The following HMGA2 variants were observed in gnomAD, a reference collection of about 807,000 sequenced individuals.
HMGA2 encodes high mobility group AT-hook 2.
A neutral mutation model predicts 19.1 loss-of-function variants in HMGA2; 8 were observed. The observed-to-expected ratio is 0.42, with a 90% CI of 0.25 to 0.76. The LOEUF (loss-of-function observed/expected upper bound fraction) is 0.76, where lower values mean the gene tolerates loss of function less well. Ranked by LOEUF, HMGA2 falls within the 30% of genes least tolerant of loss-of-function variation. HMGA2 has a pLI of 0.28. For missense variants in HMGA2, 109 were observed against 136.3 expected (o/e 0.80, Z 1.00); for synonymous variants, 60 against 48.8 (o/e 1.23, Z -0.96).
Position 65,964,467 on chromosome 12 carries a change from T to G in HMGA2, c.*1175T>G, listed in dbSNP as rs557190608. ...GACATAAGATGGTTGACCAAGGTGC[T>G]TTTCTTCGGCTTGAGTTCACCATCT... On this transcript the variant is annotated 3_prime_UTR_variant, in exon 5 of 5. Coordinates refer to ENST00000403681, the MANE Select transcript of HMGA2 (RefSeq NM_003483.6). The G allele has an allele frequency of 1.2e-4, 26 of 220,192 alleles. No individual in the cohort carries two copies. The South Asian group carries it at 4.8e-3, about 41-fold the overall frequency. The allele number at this position is 220,192 out of a possible 1,614,324, so 13.6% of individuals were successfully genotyped here.
intron 2 of HMGA2, among the ~76,000 whole-genome samples, chr12:65,831,711 C>T (rs1236478818): frequency 6.6e-6 from 1 of 151,852 alleles, no homozygotes; most frequent in Non-Finnish European, 1.5e-5. Flanking sequence ...TAATCATTTG[C>T]ATTTCTCGAA....
At chr12:65,853,253 A>AATACTTAC (rs1377366165) in intron 3 of HMGA2, among the ~76,000 whole-genome samples, 1 of 152,180 alleles carries the variant, frequency 6.6e-6, no homozygotes, top group African/African-American at 2.4e-5. Flanking sequence ...TGCTTAAATG[A>AATACTTAC]ATACTTACAT....
At chr12:65,863,341 A>G (rs1872210476) in intron 3 of HMGA2, among the ~76,000 whole-genome samples, 1 of 152,234 alleles carries the variant, frequency 6.6e-6, no homozygotes, top group Admixed American at 6.5e-5. Context: ...TTTCTGCAGT[A>G]CAAGGTGAAC....
chr12:65,954,326 T>C (rs898774904), intron 4 of HMGA2: 15 of 152,354 alleles, frequency 9.8e-5, no homozygotes, highest in Admixed American at 2.0e-4. Flanking sequence ...AGTGTTTTCA[T>C]TGAATGTTTT....
At chr12:65,952,120 T>C (rs919686327) in intron 4 of HMGA2, 3 of 434,596 alleles carry the variant, frequency 6.9e-6, no homozygotes, top group Non-Finnish European at 1.2e-5. Context: ...TTAACCAGGA[T>C]TGCTAATAAT....
intron 3 of HMGA2, among the ~76,000 whole-genome samples, chr12:65,863,677 T>C (rs1165235146): frequency 1.3e-5 from 2 of 152,216 alleles, no homozygotes; most frequent in African/African-American, 2.4e-5. Context: ...GGTTTTCCCA[T>C]GGACAGGATC....
chr12:65,914,207 G>A (rs995444864), intron 3 of HMGA2, among the ~76,000 whole-genome samples: 5 of 151,950 alleles, frequency 3.3e-5, no homozygotes, highest in Middle Eastern at 3.4e-3. Flanking sequence ...TGTTTATTGC[G>A]GCATTATTCA....
chr12:65,827,330 C>T (rs933591385), intron 1 of HMGA2, among the ~76,000 whole-genome samples: 8 of 152,134 alleles, frequency 5.3e-5, no homozygotes, highest in Non-Finnish European at 1.2e-4. Flanking sequence ...GAGGCCATGC[C>T]TGCATCTCCA....
intron 3 of HMGA2, among the ~76,000 whole-genome samples, chr12:65,868,604 C>T (rs1028218264): frequency 2.0e-5 from 3 of 152,138 alleles, no homozygotes; most frequent in African/African-American, 4.8e-5. Flanking sequence ...TCTTTTTATA[C>T]ATAATCACCA....
intron 3 of HMGA2, among the ~76,000 whole-genome samples, chr12:65,914,505 AG>A (rs1206857648): frequency 1.9e-4 from 11 of 57,480 alleles, no homozygotes; most frequent in Admixed American, 2.8e-4. Context: ...GGGTGGGGGG[AG>A]GGGGGAGGGA....
intron 3 of HMGA2, among the ~76,000 whole-genome samples, chr12:65,904,422 C>A (rs140077046): frequency 6.6e-6 from 1 of 152,202 alleles, no homozygotes; most frequent in African/African-American, 2.4e-5. Flanking sequence ...TGTTTTTCCA[C>A]AGTAGAAAGC....
At chr12:65,940,671 G>A (rs1226148723) in intron 3 of HMGA2, among the ~76,000 whole-genome samples, 1 of 152,114 alleles carries the variant, frequency 6.6e-6, no homozygotes, top group East Asian at 1.9e-4. Context: ...ATACTTTTCT[G>A]GGGCAGTGTA....
intron 3 of HMGA2, chr12:65,842,703 C>T: frequency 6.7e-7 from 1 of 1,502,130 alleles, no homozygotes; most frequent in Non-Finnish European, 8.9e-7. Context: ...TCAAGATGTA[C>T]ATACAGAGAT....
chr12:65,866,285 G>A (rs745529112), intron 3 of HMGA2, among the ~76,000 whole-genome samples: 16 of 152,108 alleles, frequency 1.1e-4, no homozygotes, highest in South Asian at 4.1e-4. Context: ...AAATGACGGC[G>A]TAGTTATTAA....
At position 65,825,469 on chromosome 12, in the gene HMGA2, GC is replaced by G; in HGVS notation, c.111+91del. The G allele has an allele frequency of 1.1e-6, 1 of 906,642 alleles. No individual in the cohort carries two copies. Among genetic ancestry groups the G allele is most frequent in the Non-Finnish European group, 1.5e-6 (1 of 672,494 alleles). The allele number at this position is 906,642 out of a possible 1,614,324, so 56.2% of individuals were successfully genotyped here. On this transcript the variant is annotated intron_variant, in intron 1 of 4. Coordinates refer to ENST00000403681, the MANE Select transcript of HMGA2 (RefSeq NM_003483.6). This position sits in a 1 kb window ranked among gnomAD's most constrained non-coding sequence, Gnocchi z 4.4. ...CGCGCGGGGCGGCCGGAGTGCGGGAGCCCAGTCGCCGCGGCCGTCGCACACT... is the reference window on the plus strand; with the variant it reads ...CGCGCGGGGCGGCCGGAGTGCGGGAGCCAGTCGCCGCGGCCGTCGCACACT...
chr12:65,951,246 AC>A lies in HMGA2; in HGVS notation c.250-136del, dbSNP rs1335236312. Reference sequence around the variant, plus strand: ...GCCTGGCCAAGTATAAACACTTTTAACATTGGATATACCAGTTGAACTTTAT... The same window carrying A: ...GCCTGGCCAAGTATAAACACTTTTAAATTGGATATACCAGTTGAACTTTAT... On this transcript the variant is annotated intron_variant, in intron 3 of 4. Transcript: ENST00000403681. The A allele has an allele frequency of 2.8e-5, 17 of 606,894 alleles. No individual in the cohort carries two copies. In the East Asian group the frequency reaches 5.0e-4, roughly 18 times the overall value. The allele number at this position is 606,894 out of a possible 1,614,324, so 37.6% of individuals were successfully genotyped here.
chr12:65,850,859 G>T lies in HMGA2; in HGVS notation c.249+12290G>T, dbSNP rs533970416. 6.4e-4 allele frequency among the ~76,000 whole-genome samples: 98 copies of T among 152,252 alleles called. No homozygotes were observed. In the Middle Eastern group the frequency reaches 0.031, roughly 48 times the overall value. On this transcript the variant is annotated intron_variant, in intron 3 of 4. Coordinates refer to ENST00000403681, the MANE Select transcript of HMGA2 (RefSeq NM_003483.6). Reference sequence around the variant, plus strand: ...GCAATTTAGAAAGGAGATTTCATGAGCATCCTTGACAGTGGTGTACAAGTT... The same window carrying T: ...GCAATTTAGAAAGGAGATTTCATGATCATCCTTGACAGTGGTGTACAAGTT...
intron 3 of HMGA2, among the ~76,000 whole-genome samples, chr12:65,866,490 G>T (rs1872419707): frequency 6.6e-6 from 1 of 152,272 alleles, no homozygotes; most frequent in Non-Finnish European, 1.5e-5. Context: ...GGACAAGAGG[G>T]TTAGGGGCTA....
intron 3 of HMGA2, among the ~76,000 whole-genome samples, chr12:65,933,794 A>C (rs1368076563): frequency 6.6e-6 from 1 of 152,184 alleles, no homozygotes; most frequent in Non-Finnish European, 1.5e-5. Context: ...CTAATCACTA[A>C]ATGATTATTA....
Sources: allele counts gnomAD v4.1 joint callset (sites outside exome capture counted in the v4.1 genomes callset), GRCh38; gene constraint gnomAD v4.1.1; non-coding constraint Gnocchi (gnomAD v3.1); transcripts MANE v1.5; gene names NCBI Gene and HGNC (gene_info 2026-07-23, HGNC 2026-07-21).